The following MARCHF1 variants were observed in gnomAD, a reference collection of about 807,000 sequenced individuals.
The protein encoded by MARCHF1 is E3 ubiquitin-protein ligase MARCHF1.
In MARCHF1, 40 loss-of-function variants were observed where a neutral mutation model predicts 54.2. The observed-to-expected ratio is 0.74, with a 90% CI of 0.57 to 0.96. MARCHF1 has a LOEUF of 0.96. MARCHF1 is among the 40% of genes least tolerant of loss of function. The probability of loss-of-function intolerance (pLI) is 0.00; values close to 1 mark genes in which losing one functional copy is unlikely to be tolerated. For missense variants in MARCHF1, 586 were observed against 656.5 expected, an observed-to-expected ratio of 0.89 and a Z score of 1.17; for synonymous variants, 236 against 236.3, an observed-to-expected ratio of 1.00 and a Z score of 0.01.
intron 4 of MARCHF1, among the ~76,000 whole-genome samples, chr4:163,786,070 C>T (rs192525645): frequency 7.4e-4 from 113 of 151,922 alleles, no homozygotes; most frequent in South Asian, 1.5e-3. Flanking sequence ...TGAAAAAGGC[C>T]GGGAAATGAG....
intron 1 of MARCHF1, among the ~76,000 whole-genome samples, chr4:164,144,011 G>C (rs1421949291): frequency 1.3e-5 from 2 of 152,076 alleles, no homozygotes; most frequent in Non-Finnish European, 2.9e-5. Flanking sequence ...AAAAGGCAGG[G>C]GTTGCAATCC....
At chr4:164,368,667 T>C (rs568669616) in intron 1 of MARCHF1, among the ~76,000 whole-genome samples, 1 of 152,326 alleles carries the variant, frequency 6.6e-6, no homozygotes, top group African/African-American at 2.4e-5. Context: ...TTATCCTAAA[T>C]ATGCAGGGAC....
chr4:164,379,552 A>T (rs1731304565), intron 1 of MARCHF1, among the ~76,000 whole-genome samples: 1 of 152,188 alleles, frequency 6.6e-6, no homozygotes, highest in Non-Finnish European at 1.5e-5. Flanking sequence ...AATCCAAAAA[A>T]CTTATACCTA....
At chr4:163,742,674 C>T (rs1746242137) in intron 4 of MARCHF1, among the ~76,000 whole-genome samples, 1 of 151,838 alleles carries the variant, frequency 6.6e-6, no homozygotes, top group African/African-American at 2.4e-5. Flanking sequence ...GACAGGGTCT[C>T]ATTATGTTGT....
At chr4:163,941,012 T>A (rs1237434031) in intron 3 of MARCHF1, among the ~76,000 whole-genome samples, 1 of 152,156 alleles carries the variant, frequency 6.6e-6, no homozygotes, top group Non-Finnish European at 1.5e-5. Context: ...ATTGTCTTCC[T>A]CGGAGTTTCC....
At chr4:163,709,916 A>T (rs1192473080) in intron 4 of MARCHF1, among the ~76,000 whole-genome samples, 1 of 152,192 alleles carries the variant, frequency 6.6e-6, no homozygotes, top group African/African-American at 2.4e-5. Flanking sequence ...CTGTATAAAT[A>T]TAAACTAGGA....
chr4:164,298,408 G>A (rs1236092195), intron 1 of MARCHF1, among the ~76,000 whole-genome samples: 6 of 151,554 alleles, frequency 4.0e-5, no homozygotes, highest in Admixed American at 6.6e-5. Flanking sequence ...AAATCTTTCC[G>A]TAACGGGTAC....
At chr4:163,775,145 C>G (rs1215436627) in intron 4 of MARCHF1, among the ~76,000 whole-genome samples, 2 of 152,142 alleles carry the variant, frequency 1.3e-5, no homozygotes, top group Non-Finnish European at 2.9e-5. Context: ...CAAGCAAACT[C>G]CAGCTTGTTT....
At chr4:163,808,783 G>A (rs1199017219) in intron 4 of MARCHF1, among the ~76,000 whole-genome samples, 1 of 152,074 alleles carries the variant, frequency 6.6e-6, no homozygotes, top group Non-Finnish European at 1.5e-5. Context: ...TGGCTAGGCT[G>A]GTCTTGAACT....
chr4:164,303,125 G>A (rs899102770), intron 1 of MARCHF1, among the ~76,000 whole-genome samples: 7 of 152,056 alleles, frequency 4.6e-5, no homozygotes, highest in Non-Finnish European at 2.9e-5. Context: ...CCTTGGGATG[G>A]TTCACGGTTT....
At chr4:163,745,407 C>T (rs1221249610) in intron 4 of MARCHF1, among the ~76,000 whole-genome samples, 2 of 151,794 alleles carry the variant, frequency 1.3e-5, no homozygotes, top group African/African-American at 4.9e-5. Context: ...GCCACCATGC[C>T]CAGCCACCAT....
intron 2 of MARCHF1, among the ~76,000 whole-genome samples, chr4:164,061,555 T>C (rs1754616049): frequency 7.5e-6 from 1 of 134,108 alleles, no homozygotes; most frequent in South Asian, 2.9e-4. Flanking sequence ...GGGGGAGGGA[T>C]AGCATTAGGA....
rs549919936 is a variant in MARCHF1, at chr4:163,612,617, G to A, written c.664C>T (p.Leu222=). The A allele has an allele frequency of 2.0e-5, 30 of 1,535,504 alleles. No homozygotes were observed. The South Asian group carries it at 3.3e-4, about 17-fold the overall frequency. The change falls in exon 7 of 10, where the codon CTG becomes TTG. Residue 222 remains leucine, a synonymous_variant. Transcript: ENST00000514618. ...LGSKGKEQQE[L]IECESCSLNL... is the part of the protein sequence containing the mutation. ...AAAGAGCAACTCTCACATTCAATCA[G>A]CTCTTGTTGCTCTTTACCTTTGGAT...
At chr4:163,972,697 C>T (rs959235510) in intron 3 of MARCHF1, among the ~76,000 whole-genome samples, 44 of 148,932 alleles carry the variant, frequency 3.0e-4, no homozygotes, top group African/African-American at 1.0e-3. Flanking sequence ...CAGGCGCCCG[C>T]CACCATGGCC....
chr4:164,225,427 G>T (rs926989075), intron 1 of MARCHF1, among the ~76,000 whole-genome samples: 1 of 151,920 alleles, frequency 6.6e-6, no homozygotes, highest in African/African-American at 2.4e-5. Flanking sequence ...GTCTTCTAAA[G>T]GATTATTTTT....
rs1227260588 is a variant in MARCHF1, at chr4:164,072,703, G to GT, written c.-248+38884dup. 1.2e-4 allele frequency among the ~76,000 whole-genome samples: 8 copies of GT among 66,612 alleles called. No homozygotes were observed. The Admixed American group carries it at 1.3e-3, about 11-fold the overall frequency. The allele number at this position is 66,612 out of a possible 152,430, so 43.7% of individuals were successfully genotyped here. A position where few individuals can be genotyped will look rare whatever the true frequency, so the allele number is the denominator to read the frequency against. ...TAAAACCCTTAAGAAATTTTCTCTA[G>GT]TAAAAAAAAAAAAAAAAAAAAACTT... On this transcript the variant is annotated intron_variant, in intron 2 of 9. Coordinates refer to ENST00000514618, the MANE Select transcript of MARCHF1 (RefSeq NM_001394959.1).
rs1735097794 is a variant in MARCHF1, at chr4:164,319,988, T to TA, written c.-323+63881_-323+63882insT. Among the ~76,000 whole-genome samples the TA allele has an allele frequency of 2.0e-5, 3 of 152,286 alleles. No homozygotes were observed. In the South Asian group the frequency reaches 6.2e-4, roughly 32 times the overall value. On this transcript the variant is annotated intron_variant, in intron 1 of 9. Coordinates refer to ENST00000514618, the MANE Select transcript of MARCHF1 (RefSeq NM_001394959.1). ...AAGATTAACATATGTATAATTTTTT[T>TA]TACTGTAAGAGGGATAATATAAACA...
At chr4:163,741,683 C>T (rs1404268222) in intron 4 of MARCHF1, among the ~76,000 whole-genome samples, 1 of 152,122 alleles carries the variant, frequency 6.6e-6, no homozygotes, top group East Asian at 1.9e-4. Context: ...TTTTCCTTCC[C>T]GTGTCACAGA....
At chr4:163,868,851 C>T (rs1214364335) in intron 3 of MARCHF1, among the ~76,000 whole-genome samples, 1 of 151,594 alleles carries the variant, frequency 6.6e-6, no homozygotes, top group Non-Finnish European at 1.5e-5. Flanking sequence ...TGGGTGGGGA[C>T]AAGCAAGTAG....
Sources: allele counts gnomAD v4.1 joint callset (sites outside exome capture counted in the v4.1 genomes callset), GRCh38; gene constraint gnomAD v4.1.1; transcripts MANE v1.5; gene names NCBI Gene and HGNC (gene_info 2026-07-23, HGNC 2026-07-21).